PCDH15: variants seen among roughly 807,000 people sequenced by gnomAD.
The protein encoded by PCDH15 is protocadherin-15.
In PCDH15, 129 loss-of-function variants were observed where a neutral mutation model predicts 178.5. The ratio of observed to expected loss-of-function variants is 0.72; its 90% CI spans 0.63 to 0.84. The LOEUF (loss-of-function observed/expected upper bound fraction) is 0.84. Among genes scored for constraint, PCDH15 ranks in the 40% least tolerant of loss-of-function variants. PCDH15 has a pLI of 0.00. For synonymous variants in PCDH15, 800 were observed against 732.0 expected (o/e 1.09, Z -1.50); for missense variants, 2,230 against 2,099.9 (o/e 1.06, Z -1.21).
chr10:54,077,973 G>C (rs2094371014), intron 17 of PCDH15, among the ~76,000 whole-genome samples: 1 of 152,144 alleles, frequency 6.6e-6, no homozygotes, highest in African/African-American at 2.4e-5. Context: ...TGAGGCAGGA[G>C]AATCACTTGA....
In PCDH15 at chr10:53,822,737, G is replaced by A. The variant is rs2132499636; in HGVS notation, c.4368-2507C>T. On this transcript the variant is annotated intron_variant, in intron 32 of 37. Coordinates refer to ENST00000644397, the MANE Select transcript of PCDH15 (RefSeq NM_001384140.1). ...AGAATGAGAAGTGAGGCCTGGGAAAGCAAAATGAAGAGTCTGAAGAGAGAG... is the reference window on the plus strand; with the variant it reads ...AGAATGAGAAGTGAGGCCTGGGAAAACAAAATGAAGAGTCTGAAGAGAGAG... 6.2e-7 allele frequency: 1 copy of A among 1,614,084 alleles called. No individual in the cohort carries two copies. Among genetic ancestry groups the A allele is most frequent in the Non-Finnish European group, 8.5e-7 (1 of 1,179,974 alleles).
intron 21 of PCDH15, among the ~76,000 whole-genome samples, chr10:53,971,655 G>A (rs2089698629): frequency 6.8e-6 from 1 of 147,766 alleles, no homozygotes; most frequent in South Asian, 2.1e-4. Context: ...CAGACAAACA[G>A]AGAGCTAAAT....
chr10:55,408,249 G>A (rs1350454300), intron 2 of PCDH15, among the ~76,000 whole-genome samples: 2 of 150,890 alleles, frequency 1.3e-5, no homozygotes, highest in Admixed American at 6.6e-5. Context: ...GCAGTGGTGC[G>A]ATCTCGGCTC....
chr10:53,978,801 G>C (rs1031741712), intron 21 of PCDH15, among the ~76,000 whole-genome samples: 7 of 151,914 alleles, frequency 4.6e-5, no homozygotes, highest in Non-Finnish European at 2.9e-5. Flanking sequence ...ATGTTCCACA[G>C]ATATCTAGAG....
In PCDH15 at chr10:55,013,510, ACT is replaced by A. The variant is rs532089120; in HGVS notation, c.-79-116012_-79-116011del. Among the ~76,000 whole-genome samples, 22 of 140,486 alleles carry A rather than the reference ACT, an allele frequency of 1.6e-4. No homozygotes were observed. In the South Asian group the frequency reaches 5.2e-3, roughly 33 times the overall value. The allele number at this position is 140,486 out of a possible 152,430, so 92.2% of individuals were successfully genotyped here. A position where few individuals can be genotyped will look rare whatever the true frequency, so the allele number is the denominator to read the frequency against. The stretch of plus-strand genomic sequence containing the variant: ...CATCAGGGCATCTGCCTTTCCCTTA[ACT>A]CAGAATATATCAGCAATCCTCCTCC... On this transcript the variant is annotated intron_variant, in intron 2 of 5. Transcript: ENST00000458638.
At chr10:54,261,872 G>T (rs117362605) in intron 8 of PCDH15, among the ~76,000 whole-genome samples, 3 of 152,210 alleles carry the variant, frequency 2.0e-5, no homozygotes, top group East Asian at 1.9e-4. Context: ...CCAGTAAACC[G>T]TCACATTTTA....
intron 29 of PCDH15, among the ~76,000 whole-genome samples, chr10:53,832,955 C>T (rs1431951739): frequency 6.6e-6 from 1 of 151,800 alleles, no homozygotes; most frequent in Non-Finnish European, 1.5e-5. Flanking sequence ...AACAGATACG[C>T]TTTTATAGAT....
chr10:55,278,477 G>A (rs1019176497), intron 1 of PCDH15, among the ~76,000 whole-genome samples: 32 of 151,856 alleles, frequency 2.1e-4, no homozygotes, highest in Admixed American at 5.9e-4. Context: ...CTCCCGTCTC[G>A]GCCTCCAAAA....
At chr10:55,497,587 T>G (rs761698677) in intron 2 of PCDH15, among the ~76,000 whole-genome samples, 6 of 151,862 alleles carry the variant, frequency 4.0e-5, no homozygotes, top group Non-Finnish European at 7.4e-5. Context: ...GAAAACATTT[T>G]TATATTGAAA....
intron 9 of PCDH15, among the ~76,000 whole-genome samples, chr10:54,221,832 C>A (rs1057274304): frequency 6.6e-6 from 1 of 151,976 alleles, no homozygotes; most frequent in Non-Finnish European, 1.5e-5. Context: ...CGAACTCCTG[C>A]CCTCAGGTGA....
intron 18 of PCDH15, among the ~76,000 whole-genome samples, chr10:54,050,736 T>C (rs1220661405): frequency 1.3e-5 from 2 of 152,192 alleles, no homozygotes; most frequent in South Asian, 4.1e-4. Context: ...TTAATGCTAC[T>C]TTTGCTGCAT....
intron 15 of PCDH15, among the ~76,000 whole-genome samples, chr10:54,119,532 TGAGA>T (rs1281939246): frequency 7.9e-5 from 12 of 152,080 alleles, no homozygotes; most frequent in Non-Finnish European, 1.8e-4. Context: ...TTGGCATTTC[TGAGA>T]GAGAAAGAGA....
intron 11 of PCDH15, among the ~76,000 whole-genome samples, chr10:54,188,624 C>T (rs1026085604): frequency 6.6e-6 from 1 of 151,492 alleles, no homozygotes; most frequent in Non-Finnish European, 1.5e-5. Context: ...CACATAAAAA[C>T]AGAAAAAAAT....
intron 3 of PCDH15, among the ~76,000 whole-genome samples, chr10:54,817,614 G>A (rs1952969687): frequency 6.6e-6 from 1 of 151,942 alleles, no homozygotes; most frequent in Admixed American, 6.6e-5. Context: ...GTTCTATGAT[G>A]AGAAATTCAC....
chr10:54,227,066 T>C (rs75351228), intron 9 of PCDH15, among the ~76,000 whole-genome samples: 1 of 152,132 alleles, frequency 6.6e-6, no homozygotes, highest in East Asian at 1.9e-4. Flanking sequence ...TGTAAGCTGT[T>C]GGTGGATCTA....
intron 1 of PCDH15, among the ~76,000 whole-genome samples, chr10:55,288,870 G>GAGATATATATATAT (rs1842939826): frequency 6.8e-6 from 1 of 146,192 alleles, no homozygotes; most frequent in African/African-American, 2.5e-5. Context: ...AATTCTATTA[G>GAGATATATATATAT]ATATATATAT....
At chr10:54,905,757 G>T (rs1006571184) in intron 2 of PCDH15, among the ~76,000 whole-genome samples, 2 of 152,060 alleles carry the variant, frequency 1.3e-5, no homozygotes, top group South Asian at 4.1e-4. Flanking sequence ...AACAGGGGTT[G>T]AGATCTCTGA....
At chr10:55,369,267 G>T (rs1436929173) in intron 2 of PCDH15, among the ~76,000 whole-genome samples, 2 of 151,934 alleles carry the variant, frequency 1.3e-5, no homozygotes, top group African/African-American at 4.8e-5. Flanking sequence ...TGCTAGGTAA[G>T]TAGTTTCTGC....
chr10:54,230,524 G>A (rs996196074), intron 9 of PCDH15, among the ~76,000 whole-genome samples: 2 of 152,026 alleles, frequency 1.3e-5, no homozygotes, highest in African/African-American at 4.8e-5. Flanking sequence ...TTCTCAATGT[G>A]ATATATGCAT....
Sources: gnomAD v4.1 joint callset for allele counts (sites outside exome capture counted in the v4.1 genomes callset) on GRCh38, gnomAD v4.1.1 for gene constraint, MANE v1.5 for transcripts, NCBI Gene and HGNC (gene_info 2026-07-23, HGNC 2026-07-21) for gene names.